GALNTL6: variants seen among roughly 807,000 people sequenced by gnomAD.
GALNTL6 encodes polypeptide N-acetylgalactosaminyltransferase like 6, also known as polypeptide N-acetylgalactosaminyltransferase-like 6.
A neutral mutation model predicts 73.7 loss-of-function variants in GALNTL6; 46 were observed. That is an observed-to-expected ratio of 0.62 (90% CI 0.49 to 0.80). The LOEUF is 0.80. GALNTL6 is among the 30% of genes least tolerant of loss of function. The pLI, the probability that GALNTL6 is intolerant of heterozygous loss-of-function variation, is 0.00. For missense variants in GALNTL6, 604 were observed against 755.0 expected (o/e 0.80, Z 2.34); for synonymous variants, 259 against 263.7 (o/e 0.98, Z 0.17).
At chr4:172,184,187 G>A (rs1735347819) in intron 2 of GALNTL6, among the ~76,000 whole-genome samples, 1 of 152,158 alleles carries the variant, frequency 6.6e-6, no homozygotes, top group Admixed American at 6.6e-5. Context: ...TTCTGACAAG[G>A]GCAACAAAGA....
At chr4:172,466,143 T>C (rs1445765790) in intron 5 of GALNTL6, among the ~76,000 whole-genome samples, 2 of 152,198 alleles carry the variant, frequency 1.3e-5, no homozygotes, top group African/African-American at 2.4e-5. Flanking sequence ...TTTAGTAGCT[T>C]CAGTGACTGT....
intron 12 of GALNTL6, 87 bp downstream of exon 12, chr4:173,021,712 G>A (rs1033911807): frequency 5.2e-5 from 74 of 1,413,136 alleles, no homozygotes; most frequent in Non-Finnish European, 7.1e-5. Context: ...CACCGTTTTA[G>A]GCCTGGCGCA....
intron 3 of GALNTL6, among the ~76,000 whole-genome samples, chr4:172,276,976 G>A (rs193034972): frequency 1.3e-5 from 2 of 151,984 alleles, no homozygotes; most frequent in East Asian, 3.9e-4. Context: ...TGATAGTTTT[G>A]ACCATTATAT....
At chr4:172,268,292 G>C (rs1738518583) in intron 3 of GALNTL6, among the ~76,000 whole-genome samples, 1 of 152,164 alleles carries the variant, frequency 6.6e-6, no homozygotes, top group Non-Finnish European at 1.5e-5. Context: ...GGTTTATTAT[G>C]GAATGCTCTT....
At chr4:172,764,647 G>A (rs896444976) in intron 5 of GALNTL6, among the ~76,000 whole-genome samples, 3 of 152,126 alleles carry the variant, frequency 2.0e-5, no homozygotes, top group Non-Finnish European at 4.4e-5. Context: ...GAGTCAGAAA[G>A]TATGATGGTA....
chr4:171,976,711 A>G (rs1470563443), intron 2 of GALNTL6, among the ~76,000 whole-genome samples: 1 of 152,222 alleles, frequency 6.6e-6, no homozygotes, highest in Admixed American at 6.5e-5. Context: ...CTATGAAATA[A>G]CTGTGAGTCG....
intron 5 of GALNTL6, among the ~76,000 whole-genome samples, chr4:172,516,440 A>G (rs966498796): frequency 6.6e-6 from 1 of 152,192 alleles, no homozygotes; most frequent in Non-Finnish European, 1.5e-5. Context: ...TTATTCAAAT[A>G]AAGGAACCAA....
At chr4:172,282,642 T>C (rs1479102523) in intron 3 of GALNTL6, among the ~76,000 whole-genome samples, 2 of 144,640 alleles carry the variant, frequency 1.4e-5, no homozygotes, top group Admixed American at 7.0e-5. Context: ...CATTGTTATG[T>C]GTGGAGAATG....
chr4:172,376,729 C>T (rs1237235193), intron 5 of GALNTL6, among the ~76,000 whole-genome samples: 1 of 152,146 alleles, frequency 6.6e-6, no homozygotes, highest in Admixed American at 6.5e-5. Context: ...TGTCTCACCG[C>T]TTGGCGATAG....
chr4:172,351,975 A>G (rs1219498838), intron 5 of GALNTL6, among the ~76,000 whole-genome samples: 7 of 152,182 alleles, frequency 4.6e-5, no homozygotes, highest in African/African-American at 1.2e-4. Flanking sequence ...GGTCAATAGA[A>G]CAGCTATACA....
intron 2 of GALNTL6, among the ~76,000 whole-genome samples, chr4:171,908,423 A>C (rs1402008423): frequency 6.6e-6 from 1 of 152,186 alleles, no homozygotes; most frequent in Non-Finnish European, 1.5e-5. Context: ...CCATCAGAGA[A>C]ATGCAAATCA....
At chr4:171,900,093 G>T (rs1326263097) in intron 2 of GALNTL6, among the ~76,000 whole-genome samples, 2 of 151,982 alleles carry the variant, frequency 1.3e-5, no homozygotes, top group Non-Finnish European at 2.9e-5. Flanking sequence ...AATAATTATT[G>T]AATAAAATGA....
intron 5 of GALNTL6, among the ~76,000 whole-genome samples, chr4:172,374,892 T>C (rs1742971092): frequency 6.6e-6 from 1 of 152,210 alleles, no homozygotes; most frequent in South Asian, 2.1e-4. Flanking sequence ...TCTATGTACC[T>C]ATCAGGATCA....
intron 2 of GALNTL6, among the ~76,000 whole-genome samples, chr4:171,988,317 A>C (rs1279887012): frequency 6.6e-6 from 1 of 152,164 alleles, no homozygotes; most frequent in East Asian, 1.9e-4. Flanking sequence ...GTGTGTTTTT[A>C]TGAGAATTAT....
intron 7 of GALNTL6, among the ~76,000 whole-genome samples, chr4:172,824,630 A>AAATCTGG (rs1207976976): frequency 6.6e-6 from 1 of 152,098 alleles, no homozygotes; most frequent in Admixed American, 6.6e-5. Flanking sequence ...AAAAGAAACA[A>AAATCTGG]AATCTGGCTT....
intron 3 of GALNTL6, among the ~76,000 whole-genome samples, chr4:172,300,206 T>A (rs578131596): frequency 6.6e-6 from 1 of 152,286 alleles, no homozygotes; most frequent in East Asian, 1.9e-4. Flanking sequence ...TGCCTTTTTT[T>A]GTTTTCCATT....
chr4:172,098,636 G>A (rs1732425110), intron 2 of GALNTL6, among the ~76,000 whole-genome samples: 1 of 152,164 alleles, frequency 6.6e-6, no homozygotes, highest in Non-Finnish European at 1.5e-5. Context: ...TGACAGCATG[G>A]AGGGTTATAT....
chr4:172,192,902 A>T (rs1735630162), intron 2 of GALNTL6, among the ~76,000 whole-genome samples: 1 of 152,166 alleles, frequency 6.6e-6, no homozygotes, highest in Admixed American at 6.5e-5. Context: ...TGTGGCAGAT[A>T]GTGGCCAGCC....
At chr4:172,416,736 A>G (rs1730850492) in intron 5 of GALNTL6, among the ~76,000 whole-genome samples, 1 of 152,162 alleles carries the variant, frequency 6.6e-6, no homozygotes. Flanking sequence ...TAAGTTAATA[A>G]ACCCTTAAAA....
Sources: allele counts gnomAD v4.1 joint callset (sites outside exome capture counted in the v4.1 genomes callset), GRCh38; gene constraint gnomAD v4.1.1; transcripts MANE v1.5; gene names NCBI Gene and HGNC (gene_info 2026-07-23, HGNC 2026-07-21).